The following SLIT3 variants were observed in gnomAD, a reference collection of about 807,000 sequenced individuals.
The protein encoded by SLIT3 is slit guidance ligand 3, also known as slit homolog 3 protein.
In SLIT3, 68 loss-of-function variants were observed where a neutral mutation model predicts 184.0. The observed-to-expected ratio is 0.37, with a 90% CI of 0.30 to 0.45. The LOEUF is 0.45. Among genes scored for constraint, SLIT3 ranks in the 20% least tolerant of loss-of-function variants. The pLI is 1.00. For synonymous variants in SLIT3, 831 were observed against 828.6 expected (o/e 1.00, Z -0.05); for missense variants, 1,707 against 2,026.0 (o/e 0.84, Z 3.02).
At chr5:168,873,466 CA>C (rs35719669) in intron 5 of SLIT3, among the ~76,000 whole-genome samples, 29,640 of 129,774 alleles carry the variant, frequency 0.23, 4,021 homozygotes, top group African/African-American at 0.42. Context: ...CCTGTCTCTA[CA>C]AAAAAAAAAA....
intron 4 of SLIT3, among the ~76,000 whole-genome samples, chr5:168,884,928 C>T (rs1370626954): frequency 6.6e-6 from 1 of 152,068 alleles, no homozygotes; most frequent in Non-Finnish European, 1.5e-5. Flanking sequence ...CCTGTGGACA[C>T]TCCATGCTGA....
intron 4 of SLIT3, among the ~76,000 whole-genome samples, chr5:169,079,505 GGAGGAAGGAGGA>G (rs1186542598): frequency 7.6e-6 from 1 of 132,290 alleles, no homozygotes; most frequent in Non-Finnish European, 1.6e-5. Flanking sequence ...GGAGGGAGGA[GGAGGAAGGAGGA>G]GAGGGAGGAG....
At chr5:169,295,562 C>A (rs1006274441) in intron 1 of SLIT3, among the ~76,000 whole-genome samples, 1 of 152,224 alleles carries the variant, frequency 6.6e-6, no homozygotes, top group African/African-American at 2.4e-5. Flanking sequence ...CACAGTGCAA[C>A]AGCAAGATGT....
At chr5:168,951,387 A>C (rs10078651) in intron 4 of SLIT3, among the ~76,000 whole-genome samples, 6,923 of 152,138 alleles carry the variant, frequency 0.046, 385 homozygotes, top group East Asian at 0.13. Flanking sequence ...CAAGGAGAAA[A>C]ATTGGCCCCA....
At chr5:169,169,195 T>TGTCCTGG (rs1762741134) in intron 4 of SLIT3, among the ~76,000 whole-genome samples, 2 of 152,210 alleles carry the variant, frequency 1.3e-5, no homozygotes, top group Non-Finnish European at 2.9e-5. Flanking sequence ...CTCCGTTCCC[T>TGTCCTGG]GTCCTGGGTC....
At chr5:168,988,251 G>T (rs1755201616) in intron 4 of SLIT3, among the ~76,000 whole-genome samples, 1 of 152,222 alleles carries the variant, frequency 6.6e-6, no homozygotes, top group Non-Finnish European at 1.5e-5. Context: ...GCTCGCTCTA[G>T]GGCATCTCTG....
chr5:169,107,642 T>C (rs1760264005), intron 4 of SLIT3, among the ~76,000 whole-genome samples: 1 of 152,212 alleles, frequency 6.6e-6, no homozygotes, highest in Admixed American at 6.5e-5. Flanking sequence ...AGCCTGGGAA[T>C]GTGCAGAAGG....
intron 4 of SLIT3, among the ~76,000 whole-genome samples, chr5:168,920,500 A>G (rs1229237156): frequency 6.6e-6 from 1 of 152,222 alleles, no homozygotes; most frequent in Non-Finnish European, 1.5e-5. Context: ...ATTATTCACC[A>G]GCGAGACCAT....
chr5:168,748,409 C>T lies in SLIT3; in HGVS notation c.2163G>A (p.Leu721=). Residue 721 remains leucine (L), a synonymous_variant, in exon 20 of 36, where the codon CTG becomes CTA. Transcript: ENST00000519560. ...CDGNEESSCQ[L]SPRCPEQCTC... ...TGCACTGCTCCGGGCAGCGCGGGCT[C>T]AGCTGGCAGCTACTCTCCTCGTTGC... 1 of 1,523,688 alleles carries T rather than the reference C, an allele frequency of 6.6e-7. No homozygotes were observed. Among genetic ancestry groups the T allele is most frequent in the African/African-American group, 1.5e-5 (1 of 68,708 alleles). The allele number at this position is 1,523,688 out of a possible 1,614,324, so 94.4% of individuals were successfully genotyped here.
At chr5:169,239,557 T>C (rs936820335) in intron 3 of SLIT3, among the ~76,000 whole-genome samples, 1 of 152,104 alleles carries the variant, frequency 6.6e-6, no homozygotes, top group Non-Finnish European at 1.5e-5. Flanking sequence ...CTCTTTAAAA[T>C]CATTAAGATA....
intron 4 of SLIT3, among the ~76,000 whole-genome samples, chr5:169,144,167 G>T (rs553773634): frequency 6.6e-6 from 1 of 152,082 alleles, no homozygotes; most frequent in African/African-American, 2.4e-5. Flanking sequence ...CACTCACCTC[G>T]CCCAGCTCTG....
chr5:168,697,258 C>T (rs903091045), intron 27 of SLIT3, among the ~76,000 whole-genome samples: 3 of 152,206 alleles, frequency 2.0e-5, no homozygotes, highest in Admixed American at 1.3e-4. Context: ...GTCAACTTGG[C>T]TTCAAACGCT....
intron 5 of SLIT3, among the ~76,000 whole-genome samples, chr5:168,848,407 G>T (rs1004045547): frequency 7.2e-5 from 11 of 152,154 alleles, no homozygotes; most frequent in Admixed American, 6.5e-4. Flanking sequence ...AGATTTCTAT[G>T]GGTCCAGGAT....
At chr5:168,889,263 T>C (rs1760345367) in intron 4 of SLIT3, among the ~76,000 whole-genome samples, 2 of 152,212 alleles carry the variant, frequency 1.3e-5, no homozygotes, top group South Asian at 4.1e-4. Flanking sequence ...TGTTTGCAGT[T>C]GGGTCACTGT....
intron 4 of SLIT3, among the ~76,000 whole-genome samples, chr5:169,073,258 G>C (rs771051660): frequency 7.9e-5 from 12 of 152,188 alleles, no homozygotes; most frequent in Non-Finnish European, 1.8e-4. Flanking sequence ...CATTAAAAGA[G>C]TAAGAGGACA....
chr5:169,149,225 G>C (rs1762034127), intron 4 of SLIT3, among the ~76,000 whole-genome samples: 1 of 152,130 alleles, frequency 6.6e-6, no homozygotes, highest in East Asian at 1.9e-4. Context: ...GATTTTATTT[G>C]ATTGCTTATA....
chr5:168,810,837 G>C (rs1417277949), intron 8 of SLIT3, among the ~76,000 whole-genome samples: 1 of 152,126 alleles, frequency 6.6e-6, no homozygotes, highest in African/African-American at 2.4e-5. Flanking sequence ...GAACACTCAA[G>C]TGAGTGAGAG....
At chr5:168,768,033 C>G (rs969624211) in intron 14 of SLIT3, 2 of 356,212 alleles carry the variant, frequency 5.6e-6, no homozygotes, top group African/African-American at 4.3e-5. Flanking sequence ...CTCCTACCCT[C>G]CTGCCTTTGG....
At chr5:169,021,453 T>C (rs1756592371) in intron 4 of SLIT3, among the ~76,000 whole-genome samples, 1 of 152,176 alleles carries the variant, frequency 6.6e-6, no homozygotes, top group East Asian at 1.9e-4. Flanking sequence ...CCAGTTCAAG[T>C]GATTCTCCTG....
Sources: gnomAD v4.1 joint callset for allele counts (sites outside exome capture counted in the v4.1 genomes callset) on GRCh38, gnomAD v4.1.1 for gene constraint, MANE v1.5 for transcripts, NCBI Gene and HGNC (gene_info 2026-07-23, HGNC 2026-07-21) for gene names.